AKR7A2: variants seen among roughly 807,000 people sequenced by gnomAD.
AKR7A2 encodes aldo-keto reductase family 7 member A2, also known as aflatoxin B1 aldehyde reductase member 2.
A neutral mutation model predicts 37.3 loss-of-function variants in AKR7A2; 29 were observed. The observed-to-expected ratio is 0.78, with a 90% CI of 0.58 to 1.06. The LOEUF is 1.06. Ranked by LOEUF, AKR7A2 falls within the 50% of genes least tolerant of loss-of-function variation. The pLI, the probability that AKR7A2 is intolerant of heterozygous loss-of-function variation, is 0.00. For synonymous variants in AKR7A2, 228 were observed against 217.8 expected (o/e 1.05, Z -0.41); for missense variants, 529 against 497.9 (o/e 1.06, Z -0.59).
intron 6 of AKR7A2, 39 bp downstream of exon 6, chr1:19,305,979 T>C: frequency 1.9e-6 from 3 of 1,613,112 alleles, no homozygotes; most frequent in South Asian, 2.2e-5. Context: ...CTGGTCCCCC[T>C]GGAAGGGAAG....
At chr1:19,306,375 G>A (rs944070005) in intron 5 of AKR7A2, among the ~76,000 whole-genome samples, 2 of 152,176 alleles carry the variant, frequency 1.3e-5, no homozygotes, top group African/African-American at 4.8e-5. Flanking sequence ...GGACTCAGTA[G>A]CCTAGGGACT....
At chr1:19,311,757 G>A (rs534695257) in intron 1 of AKR7A2, 70 bp downstream of exon 1, 5 of 1,590,374 alleles carry the variant, frequency 3.1e-6, no homozygotes, top group South Asian at 2.2e-5. Flanking sequence ...GGGCCCGAGC[G>A]GGGTGGTGCA....
chr1:19,310,892 A>G (rs2093772762), intron 1 of AKR7A2, among the ~76,000 whole-genome samples: 1 of 152,054 alleles, frequency 6.6e-6, no homozygotes, highest in South Asian at 2.1e-4. Flanking sequence ...CTGGGCCCTC[A>G]CTGAGTGCCA....
chr1:19,311,960 G>A lies in AKR7A2; in HGVS notation c.165C>T (p.Ala55=). The change falls in exon 1 of 7, where the codon GCC becomes GCT. Residue 55 remains alanine, a synonymous_variant. Transcript: ENST00000235835. ...GAAAGGCGCGCACGGCCGCGGCGCT[G>A]GCGGGCGCGTCCATGCGGCGCCCCA... ...MEMGRRMDAP[A]SAAAVRAFLE... 1 of 1,580,342 alleles carries A rather than the reference G, an allele frequency of 6.3e-7. No homozygotes were observed. The highest frequency in any genetic ancestry group is 8.6e-7 in the Non-Finnish European group (1 of 1,164,550).
downstream of AKR7A2, among the ~76,000 whole-genome samples, chr1:19,303,390 T>A (rs1015157480): frequency 2.8e-4 from 42 of 152,342 alleles, no homozygotes; most frequent in African/African-American, 9.4e-4. Flanking sequence ...TTTGGTGCAC[T>A]GGGAATGCAG....
chr1:19,307,261 G>A, intron 4 of AKR7A2, 53 bp downstream of exon 4: 1 of 1,610,458 alleles, frequency 6.2e-7, no homozygotes, highest in Non-Finnish European at 8.5e-7. Flanking sequence ...TTCTGGGCTG[G>A]GCATCTGTGG....
chr1:19,304,173 G>C lies in AKR7A2; in HGVS notation c.*52C>G. 6.2e-7 allele frequency: 1 copy of C among 1,613,954 alleles called. No individual in the cohort carries two copies. Among genetic ancestry groups the C allele is most frequent in the Non-Finnish European group, 8.5e-7 (1 of 1,179,786 alleles). On this transcript the variant is annotated 3_prime_UTR_variant, in exon 7 of 7. Transcript: ENST00000235835. ...TTAAGGCCAAGACTGGTCAGTGTGAGAGAACAAAAGAGGTGACAGAAAAGC... is the reference window on the plus strand; with the variant it reads ...TTAAGGCCAAGACTGGTCAGTGTGACAGAACAAAAGAGGTGACAGAAAAGC...
chr1:19,303,193 G>A (rs990419102), downstream of AKR7A2, among the ~76,000 whole-genome samples: 4 of 152,140 alleles, frequency 2.6e-5, no homozygotes, highest in African/African-American at 2.4e-5. Context: ...CTTGAGCCCC[G>A]GAGGTCAAAA....
rs781432553 is a variant in AKR7A2 at position 19,304,201 on chromosome 1, T to C, written c.*24A>G. 21 of 1,614,040 alleles carry C rather than the reference T, an allele frequency of 1.3e-5. 1 individual carries two copies. The Admixed American group carries it at 3.5e-4, about 27-fold the overall frequency. ...AACAAAAGAGGTGACAGAAAAGCCT[T>C]GGGCAGCCTGAGCCATGATGGGCCT... On this transcript the variant is annotated 3_prime_UTR_variant, in exon 7 of 7. Coordinates refer to ENST00000235835, the MANE Select transcript of AKR7A2 (RefSeq NM_003689.4).
chr1:19,310,501 C>A (rs2093770773), intron 1 of AKR7A2, among the ~76,000 whole-genome samples: 1 of 152,058 alleles, frequency 6.6e-6, no homozygotes, highest in South Asian at 2.1e-4. Flanking sequence ...AGTTGAAGAC[C>A]AGCCTGGCCA....
chr1:19,306,880 C>T, intron 5 of AKR7A2, 122 bp downstream of exon 5: 1 of 865,182 alleles, frequency 1.2e-6, no homozygotes, highest in Non-Finnish European at 1.9e-6. Context: ...ATTCCTGAAG[C>T]AATGCAGGGG....
chr1:19,312,080 G>C lies in AKR7A2; in HGVS notation c.45C>G (p.His15Gln), dbSNP rs893979359. The C allele has an allele frequency of 4.5e-6, 6 of 1,344,470 alleles. No homozygotes were observed. The African/African-American group carries it at 4.7e-5, about 11-fold the overall frequency. The allele number at this position is 1,344,470 out of a possible 1,614,324, so 83.3% of individuals were successfully genotyped here. ...ASRVVSRAAVHCALRSPPPEA... is the reference protein window; with the variant it reads ...ASRVVSRAAVQCALRSPPPEA... ...CGGGCGGCGGAGAGCGAAGCGCGCA[G>C]TGGACGGCGGCGCGGGAGACTACGC... Residue 15 changes from histidine (H) to glutamine (Q), a missense_variant, in exon 1 of 7, where the codon CAC (histidine) becomes CAG (glutamine). By Grantham distance (24) the His-to-Gln change is conservative. Transcript: ENST00000235835.
intron 6 of AKR7A2, chr1:19,305,202 T>C (rs1031041246): frequency 6.5e-6 from 1 of 153,604 alleles, no homozygotes; most frequent in African/African-American, 2.4e-5. Context: ...TCTTTTTCTC[T>C]GTTTTCAGCA....
At chr1:19,311,320 C>G (rs2093774392) in intron 1 of AKR7A2, among the ~76,000 whole-genome samples, 1 of 152,250 alleles carries the variant, frequency 6.6e-6, no homozygotes. Flanking sequence ...CCCGTCCGCA[C>G]TCCCTAACAC....
intron 3 of AKR7A2, chr1:19,307,684 T>C (rs1310225604): frequency 1.6e-5 from 9 of 560,614 alleles, no homozygotes; most frequent in Non-Finnish European, 2.9e-5. Flanking sequence ...TTCCAGGAGA[T>C]GTTTACTCAA....
At chr1:19,306,289 C>T in intron 5 of AKR7A2, 142 bp from the exon 6 acceptor site, 1 of 1,212,298 alleles carries the variant, frequency 8.2e-7, no homozygotes, top group Non-Finnish European at 1.2e-6. Flanking sequence ...TCATAGGTCT[C>T]CCACTTTGCT....
At position 19,307,430 on chromosome 1, in the gene AKR7A2, G is replaced by T. The variant is rs371881897; in HGVS notation, c.592-20C>A. ...CATGCCCTGCAGGGAGAGGGACCCC[G>T]GGGACAGGGTGGACATGTCAAGAGA... On this transcript the variant is annotated intron_variant, in intron 3 of 6. Transcript: ENST00000235835. 8 of 1,613,466 alleles carry T rather than the reference G, an allele frequency of 5.0e-6. No homozygotes were observed. Among genetic ancestry groups the T allele is most frequent in the Non-Finnish European group, 6.8e-6 (8 of 1,179,522 alleles).
At chr1:19,310,756 T>C (rs962592668) in intron 1 of AKR7A2, among the ~76,000 whole-genome samples, 8 of 147,324 alleles carry the variant, frequency 5.4e-5, no homozygotes, top group Admixed American at 2.8e-4. Flanking sequence ...TGCCCTCTTT[T>C]CCCCCCGACC....
intron 1 of AKR7A2, among the ~76,000 whole-genome samples, chr1:19,309,084 C>A (rs889173143): frequency 4.6e-5 from 7 of 152,158 alleles, no homozygotes; most frequent in Non-Finnish European, 8.8e-5. Flanking sequence ...AGAGTCCCAG[C>A]CAACAAGGAA....
Sources: gnomAD v4.1 joint callset for allele counts (sites outside exome capture counted in the v4.1 genomes callset) on GRCh38, gnomAD v4.1.1 for gene constraint, MANE v1.5 for transcripts, NCBI Gene and HGNC (gene_info 2026-07-23, HGNC 2026-07-21) for gene names.